CTNNA3: variants seen among roughly 807,000 people sequenced by gnomAD.
The protein encoded by CTNNA3 is catenin alpha 3.
In CTNNA3, 76 loss-of-function variants were observed where a neutral mutation model predicts 95.7. The observed-to-expected ratio is 0.79, with a 90% confidence interval of 0.66 to 0.96. CTNNA3 has a LOEUF of 0.96. Among genes scored for constraint, CTNNA3 ranks in the 40% least tolerant of loss-of-function variants. The pLI is 0.00. For missense variants in CTNNA3, 1,191 were observed against 1,089.8 expected, an observed-to-expected ratio of 1.09 and a Z score of -1.31; for synonymous variants, 431 against 374.4, an observed-to-expected ratio of 1.15 and a Z score of -1.74.
At chr10:67,536,419 A>T (rs965878190) in intron 4 of CTNNA3, among the ~76,000 whole-genome samples, 2 of 152,154 alleles carry the variant, frequency 1.3e-5, no homozygotes, top group African/African-American at 4.8e-5. Flanking sequence ...TGAGATTGTT[A>T]TCATTGTTAG....
chr10:67,033,344 G>A, intron 7 of CTNNA3, among the ~76,000 whole-genome samples: 1 of 152,128 alleles, frequency 6.6e-6, no homozygotes, highest in Admixed American at 6.6e-5. Context: ...TCAAACTGTG[G>A]CTCATAGCAC....
chr10:67,255,752 C>G (rs1267979517), intron 5 of CTNNA3, among the ~76,000 whole-genome samples: 1 of 152,112 alleles, frequency 6.6e-6, no homozygotes, highest in Non-Finnish European at 1.5e-5. Context: ...AACTGAAAAC[C>G]TTCTCCTAGA....
intron 13 of CTNNA3, among the ~76,000 whole-genome samples, chr10:66,125,493 A>C (rs1052407494): frequency 6.6e-6 from 1 of 152,224 alleles, no homozygotes; most frequent in Non-Finnish European, 1.5e-5. Context: ...AAAACAAAAT[A>C]GAAACCATAT....
intron 1 of CTNNA3, among the ~76,000 whole-genome samples, chr10:67,693,880 C>T (rs1290438428): frequency 2.0e-5 from 3 of 152,178 alleles, no homozygotes; most frequent in African/African-American, 2.4e-5. Context: ...ACCATAGCCA[C>T]GCCTAATTCC....
chr10:67,005,198 A>G (rs1472886375), intron 7 of CTNNA3, among the ~76,000 whole-genome samples: 5 of 152,172 alleles, frequency 3.3e-5, no homozygotes, highest in African/African-American at 1.2e-4. Context: ...TTTAAAGAAA[A>G]TGATTTCCAA....
At chr10:67,402,792 G>GCAGC (rs1485057270) in intron 5 of CTNNA3, among the ~76,000 whole-genome samples, 2 of 152,156 alleles carry the variant, frequency 1.3e-5, no homozygotes, top group Non-Finnish European at 2.9e-5. Flanking sequence ...TCTCAGCAGG[G>GCAGC]CAGCCACTCA....
Position 66,247,718 on chromosome 10 carries a change from C to A in CTNNA3, c.1884+32752G>T, listed in dbSNP as rs139516264. Among the ~76,000 whole-genome samples, 17 of 152,260 alleles carry A rather than the reference C, an allele frequency of 1.1e-4. No homozygotes were observed. The East Asian group carries it at 2.9e-3, about 26-fold the overall frequency. On this transcript the variant is annotated intron_variant, in intron 13 of 17. Coordinates refer to ENST00000433211, the MANE Select transcript of CTNNA3 (RefSeq NM_013266.4). Reference sequence around the variant, plus strand: ...TATTTAAAGTGTTGAAGGAAAAAATCTTTTACCCTACAATAGTATTACTGG... The same window carrying A: ...TATTTAAAGTGTTGAAGGAAAAAATATTTTACCCTACAATAGTATTACTGG...
intron 12 of CTNNA3, among the ~76,000 whole-genome samples, chr10:66,289,998 C>G (rs1212606435): frequency 2.0e-5 from 3 of 151,874 alleles, no homozygotes; most frequent in Non-Finnish European, 2.9e-5. Context: ...CTGGCTATAT[C>G]TGGTTACAAG....
chr10:67,587,202 T>C (rs1045583814), intron 3 of CTNNA3, among the ~76,000 whole-genome samples: 1 of 136,382 alleles, frequency 7.3e-6, no homozygotes, highest in African/African-American at 2.6e-5. Flanking sequence ...CTTGTGTGTG[T>C]GTGTGTGTGT....
intron 7 of CTNNA3, among the ~76,000 whole-genome samples, chr10:67,034,170 C>CCTA (rs1030935320): frequency 2.0e-5 from 3 of 152,202 alleles, no homozygotes; most frequent in African/African-American, 7.2e-5. Context: ...GGACTAGTTT[C>CCTA]CTATCCTTTA....
intron 2 of CTNNA3, among the ~76,000 whole-genome samples, chr10:67,621,860 A>G (rs981912767): frequency 1.1e-4 from 16 of 152,302 alleles, no homozygotes; most frequent in African/African-American, 3.6e-4. Flanking sequence ...CCTCTTGTCT[A>G]TTTTGGTAAA....
chr10:66,627,356 T>C (rs774763094), intron 9 of CTNNA3, among the ~76,000 whole-genome samples: 3 of 152,124 alleles, frequency 2.0e-5, no homozygotes, highest in African/African-American at 4.8e-5. Context: ...AGGTCTAGCC[T>C]GGGCATATCC....
chr10:67,082,587 A>G (rs1177133285), intron 7 of CTNNA3, among the ~76,000 whole-genome samples: 1 of 152,200 alleles, frequency 6.6e-6, no homozygotes, highest in Admixed American at 6.5e-5. Context: ...GCCTCCTAGG[A>G]AAGCACTAAG....
chr10:67,390,524 A>G (rs1454078729), intron 5 of CTNNA3, among the ~76,000 whole-genome samples: 10 of 151,990 alleles, frequency 6.6e-5, no homozygotes, highest in South Asian at 2.1e-4. Context: ...CAATCAATAG[A>G]AAAAGAGGGA....
intron 15 of CTNNA3, among the ~76,000 whole-genome samples, chr10:66,028,030 GC>G (rs1234942656): frequency 1.3e-5 from 2 of 152,078 alleles, no homozygotes; most frequent in Non-Finnish European, 2.9e-5. Context: ...AAGTATATAG[GC>G]CCCCAAGTCT....
intron 5 of CTNNA3, among the ~76,000 whole-genome samples, chr10:67,478,468 G>T (rs1177690931): frequency 6.6e-6 from 1 of 152,060 alleles, no homozygotes; most frequent in Non-Finnish European, 1.5e-5. Context: ...GGAGAGATTG[G>T]GAGCTCATTT....
chr10:66,439,064 A>T (rs866553541), intron 11 of CTNNA3, among the ~76,000 whole-genome samples: 6 of 152,084 alleles, frequency 3.9e-5, no homozygotes, highest in Non-Finnish European at 5.9e-5. Context: ...CAGGTACCTC[A>T]GTTGGAAATG....
chr10:67,301,913 G>C (rs998181062), intron 5 of CTNNA3, among the ~76,000 whole-genome samples: 10 of 151,242 alleles, frequency 6.6e-5, no homozygotes, highest in African/African-American at 2.4e-4. Context: ...AGCTTGCAGT[G>C]AGCGGAGATC....
chr10:67,447,851 G>T (rs986587249), intron 5 of CTNNA3, among the ~76,000 whole-genome samples: 5 of 152,034 alleles, frequency 3.3e-5, no homozygotes, highest in African/African-American at 1.2e-4. Context: ...TATTTCCAGG[G>T]CCTAGATAAG....
Sources: gnomAD v4.1 joint callset for allele counts (sites outside exome capture counted in the v4.1 genomes callset) on GRCh38, gnomAD v4.1.1 for gene constraint, MANE v1.5 for transcripts, NCBI Gene and HGNC (gene_info 2026-07-23, HGNC 2026-07-21) for gene names.